The following CELF3 variants were observed in gnomAD, a reference collection of about 807,000 sequenced individuals.
CELF3 encodes the protein CUGBP Elav-like family member 3, also known as CAG repeat domain.
CELF3 carries 26 observed loss-of-function variants against 59.6 expected under a neutral mutation model. The observed-to-expected ratio is 0.44, with a 90% CI of 0.32 to 0.61. CELF3 has a LOEUF of 0.61. Ranked by LOEUF, CELF3 falls within the 20% of genes least tolerant of loss-of-function variation. The pLI is 0.06. For synonymous variants in CELF3, 245 were observed against 250.7 expected, an observed-to-expected ratio of 0.98 and a Z score of 0.22; for missense variants, 387 against 627.2, an observed-to-expected ratio of 0.62 and a Z score of 4.09.
Position 151,707,582 on chromosome 1 carries a change from C to T in CELF3, c.697G>A (p.Ala233Thr). The stretch of plus-strand genomic sequence containing the variant: ...GCCATGTGCTGCATCTGCACGGCAG[C>T]CATGGTGGCCATGGGGCTGAGGTAG... ...SAYLSPMATM[A>T]AVQMQHMAAI... is the part of the protein sequence containing the mutation. Residue 233 changes from alanine (A) to threonine (T), a missense_variant, in exon 7 of 13, where the codon GCT (alanine) becomes ACT (threonine). Ala to Thr is a moderately conservative substitution (Grantham distance 58). Coordinates refer to ENST00000290583, the MANE Select transcript of CELF3 (RefSeq NM_007185.7). 1 of 1,608,778 alleles carries T rather than the reference C, an allele frequency of 6.2e-7. No individual in the cohort carries two copies. Among genetic ancestry groups the T allele is most frequent in the Non-Finnish European group, 8.5e-7 (1 of 1,178,690 alleles).
Position 151,716,085 on chromosome 1 carries a change from C to T in CELF3, c.-65G>A. ...AGGCCCAAAGGCCAAGGGGAGCTGCCCAGCAAGGAGATAAGTGGTGGGGCC... is the reference window on the plus strand; with the variant it reads ...AGGCCCAAAGGCCAAGGGGAGCTGCTCAGCAAGGAGATAAGTGGTGGGGCC... On this transcript the variant is annotated 5_prime_UTR_variant, in exon 1 of 13. Coordinates refer to ENST00000290583, the MANE Select transcript of CELF3 (RefSeq NM_007185.7). 6.6e-7 allele frequency: 1 copy of T among 1,507,492 alleles called. No homozygotes were observed. The highest frequency in any genetic ancestry group is 2.3e-5 in the East Asian group (1 of 43,678). The allele number at this position is 1,507,492 out of a possible 1,614,324, so 93.4% of individuals were successfully genotyped here.
chr1:151,709,898 C>CT lies in CELF3; in HGVS notation c.229-108dup. ...ACTAGAGGGGCAAGCCCCAGGCCCT[C>CT]TAAGTTTCTGATGGGAAGGAAGGGA... On this transcript the variant is annotated intron_variant, in intron 2 of 12. Transcript: ENST00000290583. This position sits in a 1 kb window ranked among gnomAD's most constrained non-coding sequence, Gnocchi z 4.9. 3.7e-6 allele frequency: 4 copies of CT among 1,068,676 alleles called. No homozygotes were observed. The highest frequency in any genetic ancestry group is 2.5e-5 in the South Asian group (2 of 79,994). 66.2% of individuals were successfully genotyped at this position (1,068,676 alleles called of 1,614,324 possible).
At position 151,702,498 on chromosome 1, in the gene CELF3, G is replaced by GA. The variant is rs1275537350; in HGVS notation, c.*960dup. ...ATAAGTTAAGCATAGAGAACTGTCT[G>GA]AAACTGACTCCCCGGTCTCCCCTTA... is the stretch of plus-strand genomic sequence containing the variant. On this transcript the variant is annotated 3_prime_UTR_variant, in exon 13 of 13. Transcript: ENST00000290583. 1 of 152,100 alleles carries GA rather than the reference G, an allele frequency of 6.6e-6. No homozygotes were observed. Among genetic ancestry groups the GA allele is most frequent in the Non-Finnish European group, 1.5e-5 (1 of 68,026 alleles). 9.4% of individuals were successfully genotyped at this position (152,100 alleles called of 1,614,324 possible). A position where few individuals can be genotyped will look rare whatever the true frequency, so the allele number is the denominator to read the frequency against.
rs1451637864 is a variant in CELF3 at position 151,709,738 on chromosome 1, C to A, written c.277+5G>T. ...AGGGACAGAGTCCAAAGGCACAGAA[C>A]CTACCTCCTCGGCTCTCGCTGTCGG... On this transcript the variant is annotated splice_donor_5th_base_variant and intron_variant, in intron 3 of 12. Transcript: ENST00000290583. This position sits in a 1 kb window ranked among gnomAD's most constrained non-coding sequence, Gnocchi z 4.9. 1 of 1,614,098 alleles carries A rather than the reference C, an allele frequency of 6.2e-7. No individual in the cohort carries two copies. Among genetic ancestry groups the A allele is most frequent in the Non-Finnish European group, 8.5e-7 (1 of 1,179,960 alleles).
At chr1:151,715,053 C>T (rs1217246257) in intron 1 of CELF3, among the ~76,000 whole-genome samples, 1 of 152,076 alleles carries the variant, frequency 6.6e-6, no homozygotes, top group Non-Finnish European at 1.5e-5. Flanking sequence ...ACCATCATCC[C>T]TCTCTTCTCC....
intron 5 of CELF3, 47 bp downstream of exon 5, chr1:151,708,951 G>T: frequency 1.3e-6 from 2 of 1,546,470 alleles, no homozygotes; most frequent in Non-Finnish European, 1.8e-6. Flanking sequence ...CCTGGCAGGT[G>T]GGCAGGGTGG....
Position 151,702,659 on chromosome 1 carries a change from TA to T in CELF3, c.*799del, listed in dbSNP as rs1295665784. Reference sequence around the variant, plus strand: ...TACCCCCCAAAGCAAAGGGAGAAATTAAGAGAGAGAAAAAAATCCAAGGGCA... The same window carrying T: ...TACCCCCCAAAGCAAAGGGAGAAATTAGAGAGAGAAAAAAATCCAAGGGCA... On this transcript the variant is annotated 3_prime_UTR_variant, in exon 13 of 13. Coordinates refer to ENST00000290583, the MANE Select transcript of CELF3 (RefSeq NM_007185.7). 4 of 151,732 alleles carry T rather than the reference TA, an allele frequency of 2.6e-5. No homozygotes were observed. Among genetic ancestry groups the T allele is most frequent in the Admixed American group, 2.6e-4 (4 of 15,326 alleles). The allele number at this position is 151,732 out of a possible 1,614,324, so 9.4% of individuals were successfully genotyped here.
chr1:151,707,233 G>T lies in CELF3; in HGVS notation c.834C>A (p.Gly278=). 6.4e-7 allele frequency: 1 copy of T among 1,553,864 alleles called. No individual in the cohort carries two copies. ...TGGGCACCGGGCTGTAGCCGTTGAC[G>T]CCCAGGGCAGCCGGAATGGCAGAGA... ...TPVSAIPAAL[G]VNGYSPVPTQ... is the part of the protein sequence containing the mutation. Residue 278 remains glycine, a synonymous_variant, in exon 8 of 13, where the codon GGC becomes GGA. Transcript: ENST00000290583.
intron 5 of CELF3, 200 bp from the exon 6 acceptor site, chr1:151,708,135 A>G: frequency 1.8e-6 from 1 of 547,844 alleles, no homozygotes; most frequent in Non-Finnish European, 3.1e-6. Flanking sequence ...GGCTAGAAGA[A>G]AAAATGAGGA....
chr1:151,707,738 G>T (rs1672692158), intron 6 of CELF3, 54 bp downstream of exon 6: 12 of 1,603,922 alleles, frequency 7.5e-6, no homozygotes, highest in Non-Finnish European at 1.0e-5. Flanking sequence ...GGGAGGGTGG[G>T]GGCAAGATAC....
Position 151,706,312 on chromosome 1 carries a change from A to G in CELF3, c.1038T>C (p.Pro346=). 1.3e-6 allele frequency: 2 copies of G among 1,556,804 alleles called. No individual in the cohort carries two copies. Among genetic ancestry groups the G allele is most frequent in the Non-Finnish European group, 1.7e-6 (2 of 1,150,482 alleles). The stretch of plus-strand genomic sequence containing the variant: ...GGGGCTGCTGGGCGACCAGGGCTGG[A>G]GGCTGCGGGAACGCAGGTGCAACCA... ...YSLVAPAFPQ[P]PALVAQQPPP... is the part of the protein sequence containing the mutation. The change falls in exon 10 of 13, where the codon CCT becomes CCC. Residue 346 remains proline, a synonymous_variant. Transcript: ENST00000290583.
In CELF3 at chr1:151,707,394, C is replaced by T. The variant is rs1672655574; in HGVS notation, c.773-100G>A. On this transcript the variant is annotated intron_variant, in intron 7 of 12. Coordinates refer to ENST00000290583, the MANE Select transcript of CELF3 (RefSeq NM_007185.7). ...TGTGGGCAGAGGGGAGGAAGCAGGC[C>T]TCTCTGACCCCTGAGTCCCTCCCAG... The T allele has an allele frequency of 3.3e-6, 5 of 1,535,624 alleles. No homozygotes were observed. In the Admixed American group the frequency reaches 1.0e-4, roughly 31 times the overall value.
Position 151,707,137 on chromosome 1 carries a change from A to T in CELF3, c.922+8T>A. 9 of 1,476,564 alleles carry T rather than the reference A, an allele frequency of 6.1e-6. No individual in the cohort carries two copies. The highest frequency in any genetic ancestry group is 8.1e-6 in the Non-Finnish European group (9 of 1,116,578). 91.5% of individuals were successfully genotyped at this position (1,476,564 alleles called of 1,614,324 possible). Reference sequence around the variant, plus strand: ...GCTGGGACGGAGTGGGCAGGCAGAGAGTCCCACCTGGGTAGGGGTGAACCC... The same window carrying T: ...GCTGGGACGGAGTGGGCAGGCAGAGTGTCCCACCTGGGTAGGGGTGAACCC... On this transcript the variant is annotated splice_region_variant and intron_variant, in intron 8 of 12. Transcript: ENST00000290583.
In CELF3 at chr1:151,716,262, A is replaced by T; in HGVS notation, c.-242T>A. 2.1e-6 allele frequency: 1 copy of T among 475,844 alleles called. No individual in the cohort carries two copies. The highest frequency in any genetic ancestry group is 3.7e-6 in the Non-Finnish European group (1 of 268,986). The allele number at this position is 475,844 out of a possible 1,614,324, so 29.5% of individuals were successfully genotyped here. On this transcript the variant is annotated 5_prime_UTR_variant, in exon 1 of 13. Transcript: ENST00000290583. ...GTCATGCCACCAGGGGGCATCGCCT[A>T]AACAAACGATCTCCCTCCCAGAGAT...
Position 151,709,447 on chromosome 1 carries a change from G to C in CELF3, c.278-99C>G. The C allele has an allele frequency of 6.5e-7, 1 of 1,530,332 alleles. No individual in the cohort carries two copies. The highest frequency in any genetic ancestry group is 1.2e-5 in the South Asian group (1 of 86,250). The allele number at this position is 1,530,332 out of a possible 1,614,324, so 94.8% of individuals were successfully genotyped here. A position where few individuals can be genotyped will look rare whatever the true frequency, so the allele number is the denominator to read the frequency against. ...CCCTGGAGCTCCTAACACTACTTCT[G>C]CTACCCTTAGGGTCCAATGGCTGTA... On this transcript the variant is annotated intron_variant, in intron 3 of 12. Transcript: ENST00000290583. This position sits in a 1 kb window ranked among gnomAD's most constrained non-coding sequence, Gnocchi z 4.9.
In CELF3 at chr1:151,714,636, C is replaced by CA; in HGVS notation, c.185dup (p.Lys63GlufsTer47). 1 of 1,562,182 alleles carries CA rather than the reference C, an allele frequency of 6.4e-7. No homozygotes were observed. Among genetic ancestry groups the CA allele is most frequent in the Non-Finnish European group, 8.7e-7 (1 of 1,152,870 alleles). On this transcript the variant is annotated frameshift_variant, in exon 2 of 13. Transcript: ENST00000290583. LOFTEE classifies it high-confidence loss of function. ...GTTCGTGCAGGGCGCTCTGGGCCTT[C>CA]AGGGCTGAATCCCGGGCACAGTATG... is the stretch of plus-strand genomic sequence containing the variant.
At position 151,716,271 on chromosome 1, in the gene CELF3, A is replaced by C; in HGVS notation, c.-251T>G. 2 of 449,334 alleles carry C rather than the reference A, an allele frequency of 4.5e-6. No individual in the cohort carries two copies. Among genetic ancestry groups the C allele is most frequent in the Non-Finnish European group, 7.9e-6 (2 of 252,626 alleles). The allele number at this position is 449,334 out of a possible 1,614,324, so 27.8% of individuals were successfully genotyped here. A position where few individuals can be genotyped will look rare whatever the true frequency, so the allele number is the denominator to read the frequency against. ...CCAGGGGGCATCGCCTAAACAAACG[A>C]TCTCCCTCCCAGAGATCTGGCAAAT... On this transcript the variant is annotated 5_prime_UTR_variant, in exon 1 of 13. Coordinates refer to ENST00000290583, the MANE Select transcript of CELF3 (RefSeq NM_007185.7).
In CELF3 at chr1:151,705,034, G is replaced by A. The variant is rs1672395248; in HGVS notation, c.*7C>T. The A allele has an allele frequency of 6.2e-7, 1 of 1,610,376 alleles. No individual in the cohort carries two copies. Among genetic ancestry groups the A allele is most frequent in the Non-Finnish European group, 8.5e-7 (1 of 1,177,350 alleles). On this transcript the variant is annotated 3_prime_UTR_variant, in exon 12 of 13. Transcript: ENST00000290583. This position sits in a 1 kb window ranked among gnomAD's most constrained non-coding sequence, Gnocchi z 5.1. ...GCCACAACGGAGCGGGACCCACCTGGGGGCCCTCAGTAGGGCCGGTTGGCA... is the reference window on the plus strand; with the variant it reads ...GCCACAACGGAGCGGGACCCACCTGAGGGCCCTCAGTAGGGCCGGTTGGCA...
At position 151,707,564 on chromosome 1, in the gene CELF3, G is replaced by T. The variant is rs1672672565; in HGVS notation, c.715C>A (p.His239Asn). Reference sequence around the variant, plus strand: ...CCATTGGCATTGATGGCAGCCATGTGCTGCATCTGCACGGCAGCCATGGTG... The same window carrying T: ...CCATTGGCATTGATGGCAGCCATGTTCTGCATCTGCACGGCAGCCATGGTG... ...MATMAAVQMQ[H>N]MAAINANGLI... Residue 239 changes from histidine (H) to asparagine (N), a missense_variant, in exon 7 of 13, where the codon CAC becomes AAC. Transcript: ENST00000290583. The T allele has an allele frequency of 2.5e-6, 4 of 1,610,232 alleles. No homozygotes were observed. Among genetic ancestry groups the T allele is most frequent in the Non-Finnish European group, 3.4e-6 (4 of 1,179,416 alleles).
Sources: gnomAD v4.1 joint callset for allele counts (sites outside exome capture counted in the v4.1 genomes callset) on GRCh38, gnomAD v4.1.1 for gene constraint, Gnocchi (gnomAD v3.1) non-coding constraint, MANE v1.5 for transcripts, NCBI Gene and HGNC (gene_info 2026-07-23, HGNC 2026-07-21) for gene names.